The following ALOX5 variants were observed in gnomAD, a reference collection of about 807,000 sequenced individuals.
ALOX5 encodes arachidonate 5-lipoxygenase, also known as polyunsaturated fatty acid 5-lipoxygenase.
ALOX5 carries 64 observed loss-of-function variants against 87.9 expected under a neutral mutation model. The observed-to-expected ratio is 0.73, with a 90% CI of 0.60 to 0.90. ALOX5 has a LOEUF of 0.90. ALOX5 is among the 40% of genes least tolerant of loss of function. The probability of loss-of-function intolerance (pLI) is 0.00; values close to 1 mark genes in which losing one functional copy is unlikely to be tolerated. For missense variants in ALOX5, 822 were observed against 907.5 expected, an observed-to-expected ratio of 0.91 and a Z score of 1.21; for synonymous variants, 388 against 355.1, an observed-to-expected ratio of 1.09 and a Z score of -1.04.
At chr10:45,434,266 T>A (rs1477864814) in intron 7 of ALOX5, among the ~76,000 whole-genome samples, 2 of 152,184 alleles carry the variant, frequency 1.3e-5, no homozygotes, top group Non-Finnish European at 2.9e-5. Flanking sequence ...AGAGTGAAAC[T>A]GTCTGAGGAA....
rs186454686 is a variant in ALOX5, at chr10:45,428,998, A to G, written c.981+234A>G. 4.7e-4 allele frequency among the ~76,000 whole-genome samples: 71 copies of G among 152,200 alleles called. 1 individual carries two copies. Among genetic ancestry groups the G allele is most frequent in the Non-Finnish European group, 8.1e-4 (55 of 67,998 alleles). On this transcript the variant is annotated intron_variant, in intron 7 of 13. Transcript: ENST00000374391. ...ACTGTGGAGGACCTGCCCTGGGATC[A>G]TATTCTGCACTCTCCACCCCAGCAC... is the stretch of plus-strand genomic sequence containing the variant.
intron 2 of ALOX5, among the ~76,000 whole-genome samples, chr10:45,386,379 T>C (rs1840008667): frequency 6.6e-6 from 1 of 151,818 alleles, no homozygotes; most frequent in African/African-American, 2.4e-5. Flanking sequence ...GGTTGGGGAA[T>C]CACTTGAGTC....
At position 45,437,285 on chromosome 10, in the gene ALOX5, G is replaced by A. The variant is rs180982454; in HGVS notation, c.982-3145G>A. Among the ~76,000 whole-genome samples, 319 of 152,292 alleles carry A rather than the reference G, an allele frequency of 2.1e-3. 4 individuals are homozygous for A. The highest frequency in any genetic ancestry group is 7.2e-3 in the African/African-American group (301 of 41,562). On this transcript the variant is annotated intron_variant, in intron 7 of 13. Coordinates refer to ENST00000374391, the MANE Select transcript of ALOX5 (RefSeq NM_000698.5). ...GGAGAATTGCTTGAACCTGGGAGGC[G>A]GAGGTTGCAGTGAGCTGCGATCACA...
chr10:45,375,508 C>A (rs1433734458), intron 1 of ALOX5, among the ~76,000 whole-genome samples: 2 of 152,238 alleles, frequency 1.3e-5, no homozygotes, highest in Non-Finnish European at 1.5e-5. Context: ...CTTTACCAAG[C>A]TGCCTTCTCA....
intron 1 of ALOX5, 49 bp from the exon 2 acceptor site, chr10:45,382,433 CA>C (rs1276144637): frequency 6.2e-7 from 1 of 1,605,048 alleles, no homozygotes; most frequent in Non-Finnish European, 8.5e-7. Context: ...ACCTCCAGAA[CA>C]AAGGCTCAGG....
At chr10:45,413,729 A>G (rs1841159174) in intron 4 of ALOX5, among the ~76,000 whole-genome samples, 1 of 152,246 alleles carries the variant, frequency 6.6e-6, no homozygotes, top group African/African-American at 2.4e-5. Context: ...TAAGCTGATA[A>G]GGAACTTCAG....
chr10:45,380,814 T>G (rs1344196111), intron 1 of ALOX5, among the ~76,000 whole-genome samples: 2 of 152,068 alleles, frequency 1.3e-5, no homozygotes, highest in African/African-American at 4.8e-5. Context: ...TGGTGGCAGG[T>G]GCCTGTAGTC....
intron 2 of ALOX5, among the ~76,000 whole-genome samples, chr10:45,388,921 C>A (rs773438406): frequency 6.6e-6 from 1 of 151,582 alleles, no homozygotes; most frequent in Admixed American, 6.6e-5. Flanking sequence ...TGGAACCCAT[C>A]GCAAAAAAAG....
chr10:45,394,951 AAAC>A (rs1840443591), intron 2 of ALOX5, among the ~76,000 whole-genome samples: 1 of 152,196 alleles, frequency 6.6e-6, no homozygotes, highest in African/African-American at 2.4e-5. Flanking sequence ...AAAAGTCAGG[AAAC>A]AACAGGTGCT....
chr10:45,438,241 T>G (rs994272310), intron 7 of ALOX5, among the ~76,000 whole-genome samples: 2 of 152,192 alleles, frequency 1.3e-5, no homozygotes, highest in Admixed American at 1.3e-4. Flanking sequence ...CATCCTTGTC[T>G]TGTTCCAGTT....
chr10:45,391,029 TC>T (rs1564416354), intron 2 of ALOX5, among the ~76,000 whole-genome samples: 1,189 of 39,662 alleles, frequency 0.03, 9 homozygotes, highest in East Asian at 0.074. Flanking sequence ...ATCTCCCCTC[TC>T]CCCTCTCCCA....
At chr10:45,432,754 C>T (rs78622303) in intron 7 of ALOX5, among the ~76,000 whole-genome samples, 1,759 of 152,236 alleles carry the variant, frequency 0.012, 31 homozygotes, top group African/African-American at 0.04. Flanking sequence ...CGCAGACACT[C>T]AGAAGACTTT....
At chr10:45,379,645 G>A (rs1839760325) in intron 1 of ALOX5, among the ~76,000 whole-genome samples, 1 of 152,220 alleles carries the variant, frequency 6.6e-6, no homozygotes, top group African/African-American at 2.4e-5. Flanking sequence ...CAACCCCCTG[G>A]ATTCAGGAAG....
At chr10:45,440,737 G>A in intron 8 of ALOX5, 104 bp downstream of exon 8, 2 of 1,275,378 alleles carry the variant, frequency 1.6e-6, no homozygotes, top group South Asian at 1.4e-5. Flanking sequence ...GGAGTGGGTG[G>A]CAGAAAGGGA....
intron 4 of ALOX5, among the ~76,000 whole-genome samples, chr10:45,422,634 A>G (rs1189900111): frequency 6.6e-6 from 1 of 152,232 alleles, no homozygotes; most frequent in African/African-American, 2.4e-5. Context: ...CAGCAGGCAT[A>G]GATTCATACA....
intron 5 of ALOX5, 99 bp downstream of exon 5, chr10:45,424,246 C>A: frequency 2.9e-6 from 3 of 1,042,186 alleles, no homozygotes; most frequent in Non-Finnish European, 3.0e-6. Flanking sequence ...TTCCTGCCTG[C>A]TGCAGCATGG....
chr10:45,411,047 A>G (rs749954507), intron 3 of ALOX5, among the ~76,000 whole-genome samples: 3 of 152,246 alleles, frequency 2.0e-5, no homozygotes, highest in Non-Finnish European at 2.9e-5. Flanking sequence ...GGGGTGGGCA[A>G]TTCCAGGAAC....
chr10:45,428,072 G>A (rs1841787739), intron 6 of ALOX5, among the ~76,000 whole-genome samples: 1 of 149,480 alleles, frequency 6.7e-6, no homozygotes, highest in Non-Finnish European at 1.5e-5. Context: ...CTACCTCCTG[G>A]AGACCCCCCT....
chr10:45,423,781 A>G (rs932100860), intron 4 of ALOX5, among the ~76,000 whole-genome samples: 23 of 152,200 alleles, frequency 1.5e-4, no homozygotes, highest in South Asian at 4.1e-4. Flanking sequence ...ATGAATGAAC[A>G]CATGTGTGAA....
Sources: gnomAD v4.1 joint callset for allele counts (sites outside exome capture counted in the v4.1 genomes callset) on GRCh38, gnomAD v4.1.1 for gene constraint, MANE v1.5 for transcripts, NCBI Gene and HGNC (gene_info 2026-07-23, HGNC 2026-07-21) for gene names.